Variants in MITF observed in about 807,000 individuals in gnomAD.
The protein encoded by MITF is melanocyte inducing transcription factor.
Under a neutral mutation model 60.5 loss-of-function variants are expected in MITF, and 17 were observed. The observed-to-expected ratio is 0.28, with a 90% CI of 0.19 to 0.42. The LOEUF is 0.42. Ranked by LOEUF, MITF falls within the 10% of genes least tolerant of loss-of-function variation. The pLI is 1.00. For synonymous variants in MITF, 260 were observed against 248.5 expected, an observed-to-expected ratio of 1.05 and a Z score of -0.43; for missense variants, 622 against 683.5, an observed-to-expected ratio of 0.91 and a Z score of 1.00.
At chr3:69,861,209 T>C (rs911343606) in intron 1 of MITF, among the ~76,000 whole-genome samples, 2 of 152,242 alleles carry the variant, frequency 1.3e-5, no homozygotes, top group Non-Finnish European at 2.9e-5. Flanking sequence ...CAAATTATAC[T>C]TCATAGATCC....
intron 1 of MITF, among the ~76,000 whole-genome samples, chr3:69,844,950 C>G (rs1420698590): frequency 6.6e-6 from 1 of 152,108 alleles, no homozygotes; most frequent in Non-Finnish European, 1.5e-5. Context: ...TAAAATAGAA[C>G]AGGCACTCTT....
chr3:69,752,560 G>A (rs1020919712), intron 1 of MITF, among the ~76,000 whole-genome samples: 2 of 152,134 alleles, frequency 1.3e-5, no homozygotes, highest in African/African-American at 2.4e-5. Context: ...GATGATTTAG[G>A]GTAACTGGCA....
In MITF at chr3:69,956,372, A is replaced by T. The variant is rs1319697960; in HGVS notation, c.956-83A>T. 3.7e-6 allele frequency: 4 copies of T among 1,081,456 alleles called. No individual in the cohort carries two copies. In the East Asian group the frequency reaches 9.5e-5, roughly 26 times the overall value. The allele number at this position is 1,081,456 out of a possible 1,614,324, so 67.0% of individuals were successfully genotyped here. ...CCGTTGTCATGACCTGGAGAAGTTA[A>T]TATGCACATGCCTTTAATGAGATGT... On this transcript the variant is annotated intron_variant, in intron 7 of 9. Transcript: ENST00000352241.
chr3:69,943,971 A>G (rs990626146), intron 5 of MITF, among the ~76,000 whole-genome samples: 6 of 152,130 alleles, frequency 3.9e-5, no homozygotes, highest in African/African-American at 1.4e-4. Flanking sequence ...GTACATACCT[A>G]TAGTCCTAGC....
chr3:69,768,227 T>C lies in MITF; in HGVS notation c.104+28526T>C, dbSNP rs1335205108. On this transcript the variant is annotated intron_variant, in intron 1 of 9. Transcript: ENST00000352241. ...GAAGTTAATTTATAGTCTGACAACA[T>C]GTTCTCTGCTTTCTATAGGAAATTT... Among the ~76,000 whole-genome samples the C allele has an allele frequency of 2.6e-5, 4 of 152,320 alleles. No homozygotes were observed. In the East Asian group the frequency reaches 5.8e-4, roughly 22 times the overall value.
At chr3:69,798,878 A>C (rs1284980694) in intron 1 of MITF, among the ~76,000 whole-genome samples, 2 of 152,184 alleles carry the variant, frequency 1.3e-5, no homozygotes, top group East Asian at 3.9e-4. Flanking sequence ...TCCCCTTGTT[A>C]ATACACTCAT....
At position 69,937,858 on chromosome 3, in the gene MITF, A is replaced by C; in HGVS notation, c.391A>C (p.Ile131Leu). The C allele has an allele frequency of 6.2e-7, 1 of 1,614,114 alleles. No individual in the cohort carries two copies. Among genetic ancestry groups the C allele is most frequent in the South Asian group, 1.1e-5 (1 of 91,086 alleles). ...THLENPTKYH[I>L]QQAQRQQVKQ... is the part of the protein sequence containing the mutation. Reference sequence around the variant, plus strand: ...CCTCGAAAACCCCACCAAGTACCACATACAGCAAGCCCAACGGCAGCAGGT... The same window carrying C: ...CCTCGAAAACCCCACCAAGTACCACCTACAGCAAGCCCAACGGCAGCAGGT... The change falls in exon 3 of 10, where the codon ATA becomes CTA. Residue 131 changes from isoleucine (I) to leucine (L), a missense_variant. Transcript: ENST00000352241.
At chr3:69,822,676 C>T (rs1167757507) in intron 1 of MITF, among the ~76,000 whole-genome samples, 1 of 152,148 alleles carries the variant, frequency 6.6e-6, no homozygotes, top group East Asian at 1.9e-4. Context: ...TCTGTGCTTC[C>T]CCCCTTGAAC....
At chr3:69,840,997 C>T (rs751137591) in intron 1 of MITF, among the ~76,000 whole-genome samples, 2 of 152,104 alleles carry the variant, frequency 1.3e-5, no homozygotes, top group African/African-American at 2.4e-5. Flanking sequence ...CTCAAGGGAC[C>T]CACCCACCTT....
At chr3:69,897,467 T>G (rs1418030966) in intron 2 of MITF, among the ~76,000 whole-genome samples, 1 of 152,176 alleles carries the variant, frequency 6.6e-6, no homozygotes, top group Non-Finnish European at 1.5e-5. Context: ...TATTGGGAGT[T>G]GACAAACAAT....
intron 1 of MITF, among the ~76,000 whole-genome samples, chr3:69,861,251 G>A (rs1326033425): frequency 6.6e-6 from 1 of 152,024 alleles, no homozygotes; most frequent in Non-Finnish European, 1.5e-5. Flanking sequence ...ATTTTTGTCA[G>A]TCATTCATGC....
At chr3:69,890,596 T>G (rs766517930) in intron 2 of MITF, among the ~76,000 whole-genome samples, 7 of 152,166 alleles carry the variant, frequency 4.6e-5, no homozygotes, top group Non-Finnish European at 8.8e-5. Context: ...TGTATGATTT[T>G]TATTTGTGCT....
rs763445398 is a variant in MITF, at chr3:69,739,701, G to A, written c.104G>A (p.Ser35Asn). The stretch of plus-strand genomic sequence containing the variant: ...CTCAAAAGTCAACCGCTGAAGAGCA[G>A]GTGAGTGGTGACAGCTGGGCAGAGG... The part of the protein sequence containing the change: ...YELKSQPLKS[S>N]SSAEHPGASK... Residue 35 changes from serine to asparagine, a missense_variant and splice_region_variant, in exon 1 of 10, where the codon AGC becomes AAC. Around this residue, in one of 5 missense-constraint regions of MITF, gnomAD observed 149 missense variants for 157.8 expected, o/e 0.94. Transcript: ENST00000352241. The A allele has an allele frequency of 9.6e-6, 15 of 1,563,468 alleles. No homozygotes were observed. The highest frequency in any genetic ancestry group is 1.3e-5 in the Non-Finnish European group (15 of 1,151,916).
At chr3:69,827,084 C>T (rs2063366935) in intron 1 of MITF, among the ~76,000 whole-genome samples, 1 of 152,150 alleles carries the variant, frequency 6.6e-6, no homozygotes, top group South Asian at 2.1e-4. Context: ...CTCATGCCAT[C>T]CTCTGAATGC....
chr3:69,840,338 A>G (rs2063613052), intron 1 of MITF, among the ~76,000 whole-genome samples: 1 of 152,194 alleles, frequency 6.6e-6, no homozygotes, highest in Admixed American at 6.5e-5. Context: ...GTGAGCTGGA[A>G]CACTTAATCC....
intron 2 of MITF, among the ~76,000 whole-genome samples, chr3:69,927,179 CAGCATGTATAG>C (rs2065611637): frequency 6.6e-6 from 1 of 151,750 alleles, no homozygotes; most frequent in Non-Finnish European, 1.5e-5. Flanking sequence ...TTTTGGATAG[CAGCATGTATAG>C]TGTTTTTAAC....
intron 2 of MITF, among the ~76,000 whole-genome samples, chr3:69,916,229 T>C (rs1326522135): frequency 1.3e-5 from 2 of 152,356 alleles, no homozygotes; most frequent in Admixed American, 6.5e-5. Flanking sequence ...ACATATATCA[T>C]TTTAAATAAT....
chr3:69,755,611 A>G (rs566971673), intron 1 of MITF, among the ~76,000 whole-genome samples: 1 of 151,834 alleles, frequency 6.6e-6, no homozygotes, highest in Admixed American at 6.5e-5. Context: ...TTAACTGGTC[A>G]CTAGCAAGCA....
At chr3:69,830,120 T>A (rs1320594543) in intron 1 of MITF, among the ~76,000 whole-genome samples, 1 of 152,180 alleles carries the variant, frequency 6.6e-6, no homozygotes, top group East Asian at 1.9e-4. Context: ...CAGTGTTTTG[T>A]GCAGATGCTC....
Sources: gnomAD v4.1 joint callset for allele counts (sites outside exome capture counted in the v4.1 genomes callset) on GRCh38, gnomAD v4.1.1 for gene constraint, gnomAD v4.1.1 regional missense constraint, MANE v1.5 for transcripts, NCBI Gene and HGNC (gene_info 2026-07-23, HGNC 2026-07-21) for gene names.